The following SHOC1 variants were observed in gnomAD, a reference collection of about 807,000 sequenced individuals.
The protein encoded by SHOC1 is shortage in chiasmata 1.
A neutral mutation model predicts 179.2 loss-of-function variants in SHOC1; 136 were observed. The ratio of observed to expected loss-of-function variants is 0.76; its 90% CI spans 0.66 to 0.87. The LOEUF is 0.87. Ranked by LOEUF, SHOC1 falls within the 40% of genes least tolerant of loss-of-function variation. The pLI is 0.00. For missense variants in SHOC1, 1,538 were observed against 1,700.8 expected, an observed-to-expected ratio of 0.90 and a Z score of 1.68; for synonymous variants, 489 against 586.6, an observed-to-expected ratio of 0.83 and a Z score of 2.41.
intron 4 of SHOC1, among the ~76,000 whole-genome samples, chr9:111,778,606 T>C (rs1246264403): frequency 3.3e-5 from 5 of 151,722 alleles, no homozygotes; most frequent in Non-Finnish European, 7.4e-5. Context: ...CCATCTCTAC[T>C]AAAAATACAA....
chr9:111,788,394 G>A (rs997381166), intron 2 of SHOC1, among the ~76,000 whole-genome samples: 3 of 152,034 alleles, frequency 2.0e-5, no homozygotes, highest in Non-Finnish European at 2.9e-5. Flanking sequence ...TGATCTGCCC[G>A]CCTCAGCCCC....
At chr9:111,735,939 T>A (rs1833795282) in intron 12 of SHOC1, among the ~76,000 whole-genome samples, 1 of 152,228 alleles carries the variant, frequency 6.6e-6, no homozygotes, top group Non-Finnish European at 1.5e-5. Flanking sequence ...TCCACGTTAA[T>A]GGGCACCTAG....
rs1836090037 is a variant in SHOC1, at chr9:111,782,195, G to C, written c.170-1178C>G. On this transcript the variant is annotated intron_variant, in intron 3 of 27. Transcript: ENST00000682961. ...CCACTACACTCCAGCCTGGGAGACA[G>C]AGTAAGACTTCATATCAAAATAAAA... Among the ~76,000 whole-genome samples, 4 of 152,270 alleles carry C rather than the reference G, an allele frequency of 2.6e-5. 1 individual carries two copies. The South Asian group carries it at 8.3e-4, about 32-fold the overall frequency.
Position 111,702,113 on chromosome 9 carries a change from T to G in SHOC1, c.3081A>C (p.Leu1027Phe), listed in dbSNP as rs2131343202. Residue 1027 changes from leucine (L) to phenylalanine (F), a missense_variant, in exon 23 of 28, where the codon TTA (leucine) becomes TTC (phenylalanine). Physicochemically the swap from Leu to Phe is conservative, Grantham distance 22 (BLOSUM62 0). Coordinates refer to ENST00000682961, the MANE Select transcript of SHOC1 (RefSeq NM_001378211.1). Reference sequence around the variant, plus strand: ...AAGAAATGTTTACCTACTCTGAATTTAATGTTTCTTTGGTATATAAAATTA... The same window carrying G: ...AAGAAATGTTTACCTACTCTGAATTGAATGTTTCTTTGGTATATAAAATTA... ...CWIILYTKET[L>F]NSEYLLTEKT... The G allele has an allele frequency of 6.7e-7, 1 of 1,482,760 alleles. No individual in the cohort carries two copies. The highest frequency in any genetic ancestry group is 9.3e-7 in the Non-Finnish European group (1 of 1,080,054). The allele number at this position is 1,482,760 out of a possible 1,614,324, so 91.9% of individuals were successfully genotyped here. A position where few individuals can be genotyped will look rare whatever the true frequency, so the allele number is the denominator to read the frequency against.
chr9:111,706,798 T>C (rs10125413), intron 19 of SHOC1, 52 bp from the exon 20 acceptor site: 1 of 1,296,444 alleles, frequency 7.7e-7, no homozygotes, highest in Non-Finnish European at 1.0e-6. Context: ...GTTATTATTT[T>C]GTTGAACTAT....
At position 111,741,420 on chromosome 9, in the gene SHOC1, G is replaced by A. The variant is rs1834030922; in HGVS notation, c.1174+56C>T. Reference sequence around the variant, plus strand: ...AAAAGGATATCCCACATTTCTACTCGTTGTACCTTTTTACCTATACTTTCT... The same window carrying A: ...AAAAGGATATCCCACATTTCTACTCATTGTACCTTTTTACCTATACTTTCT... On this transcript the variant is annotated intron_variant, in intron 11 of 27. Transcript: ENST00000682961. 6 of 979,788 alleles carry A rather than the reference G, an allele frequency of 6.1e-6. No homozygotes were observed. The East Asian group carries it at 7.3e-5, about 12-fold the overall frequency. 60.7% of individuals were successfully genotyped at this position (979,788 alleles called of 1,614,324 possible). A position where few individuals can be genotyped will look rare whatever the true frequency, so the allele number is the denominator to read the frequency against.
At chr9:111,780,835 T>C in intron 4 of SHOC1, 95 bp downstream of exon 4, 1 of 823,592 alleles carries the variant, frequency 1.2e-6, no homozygotes, top group Non-Finnish European at 1.9e-6. Context: ...CATGAAGAGA[T>C]AAAGGAAGAG....
At chr9:111,756,786 A>G (rs967223643) in intron 7 of SHOC1, among the ~76,000 whole-genome samples, 3 of 152,208 alleles carry the variant, frequency 2.0e-5, no homozygotes, top group African/African-American at 7.2e-5. Flanking sequence ...ATTTTAAATT[A>G]AAAACAGTCA....
intron 20 of SHOC1, among the ~76,000 whole-genome samples, 182 bp from the exon 21 acceptor site, chr9:111,705,546 G>A (rs1045362273): frequency 2.3e-4 from 35 of 151,034 alleles, no homozygotes; most frequent in African/African-American, 7.0e-4. Flanking sequence ...TTATCCTACC[G>A]AGAAATAAGT....
At chr9:111,724,493 C>T (rs1333999299) in intron 13 of SHOC1, among the ~76,000 whole-genome samples, 1 of 152,012 alleles carries the variant, frequency 6.6e-6, no homozygotes, top group African/African-American at 2.4e-5. Flanking sequence ...GCATGCACCA[C>T]CATCCTGGGC....
chr9:111,698,513 T>C (rs1331323122), intron 24 of SHOC1, among the ~76,000 whole-genome samples: 2 of 152,302 alleles, frequency 1.3e-5, no homozygotes, highest in African/African-American at 4.8e-5. Context: ...AGATGTGTGG[T>C]ATTATTTCTG....
chr9:111,744,238 A>G (rs1052291309), intron 10 of SHOC1, among the ~76,000 whole-genome samples: 4 of 152,208 alleles, frequency 2.6e-5, no homozygotes, highest in African/African-American at 4.8e-5. Flanking sequence ...GGGCACTAAC[A>G]AAAACAGTAT....
chr9:111,762,408 AAC>A (rs1205053057), intron 5 of SHOC1, among the ~76,000 whole-genome samples: 1 of 152,050 alleles, frequency 6.6e-6, no homozygotes, highest in Non-Finnish European at 1.5e-5. Context: ...CAGCCTGAGA[AAC>A]AGAGTCTCAA....
chr9:111,741,452 C>A, intron 11 of SHOC1, 24 bp downstream of exon 11: 1 of 1,312,456 alleles, frequency 7.6e-7, no homozygotes, highest in Non-Finnish European at 1.1e-6. Flanking sequence ...TTCTATTTAT[C>A]ACTTAAAGGC....
At chr9:111,759,237 GCA>G (rs1284879421) in intron 5 of SHOC1, 1 of 1,613,586 alleles carries the variant, frequency 6.2e-7, no homozygotes, top group African/African-American at 1.3e-5. Context: ...GGTCTTCTCT[GCA>G]TCATTTTACC....
At chr9:111,752,673 A>G (rs542516466) in intron 8 of SHOC1, among the ~76,000 whole-genome samples, 2 of 152,368 alleles carry the variant, frequency 1.3e-5, no homozygotes, top group South Asian at 4.1e-4. Context: ...ATAACATAAC[A>G]TAGTAATCAC....
At chr9:111,794,456 C>T (rs1371522460) in intron 1 of SHOC1, among the ~76,000 whole-genome samples, 4 of 151,922 alleles carry the variant, frequency 2.6e-5, no homozygotes, top group Non-Finnish European at 4.4e-5. Flanking sequence ...TGGTGGAGGA[C>T]GCCTGTAGTC....
chr9:111,786,129 T>C, intron 2 of SHOC1, 94 bp from the exon 3 acceptor site: 3 of 913,522 alleles, frequency 3.3e-6, no homozygotes, highest in Non-Finnish European at 4.5e-6. Flanking sequence ...GAAACTTATA[T>C]GATTTTTCTT....
At chr9:111,760,278 C>A (rs956587726) in intron 5 of SHOC1, among the ~76,000 whole-genome samples, 1 of 152,160 alleles carries the variant, frequency 6.6e-6, no homozygotes, top group Admixed American at 6.5e-5. Context: ...AACTAATATT[C>A]TTTGTAATTC....
Sources: allele counts gnomAD v4.1 joint callset (sites outside exome capture counted in the v4.1 genomes callset), GRCh38; gene constraint gnomAD v4.1.1; transcripts MANE v1.5; gene names NCBI Gene and HGNC (gene_info 2026-07-23, HGNC 2026-07-21).